Variants in TRAF2 observed in about 807,000 individuals in gnomAD.
TRAF2 encodes TNF receptor associated factor 2.
Under a neutral mutation model 55.6 loss-of-function variants are expected in TRAF2, and 6 were observed. The observed-to-expected ratio is 0.11, with a 90% confidence interval of 0.06 to 0.21. The LOEUF (loss-of-function observed/expected upper bound fraction) is 0.21, where lower values mean the gene tolerates loss of function less well. Among genes scored for constraint, TRAF2 ranks in the 10% least tolerant of loss-of-function variants. TRAF2 has a pLI of 1.00. For synonymous variants in TRAF2, 329 were observed against 276.3 expected, an observed-to-expected ratio of 1.19 and a Z score of -1.89; for missense variants, 561 against 684.5, an observed-to-expected ratio of 0.82 and a Z score of 2.01.
chr9:136,922,682 T>TG (rs1453791737), intron 9 of TRAF2, among the ~76,000 whole-genome samples: 1 of 70,348 alleles, frequency 1.4e-5, no homozygotes, highest in Non-Finnish European at 2.6e-5. Context: ...TGGGGGCGTG[T>TG]GGAGGACAGG....
At chr9:136,889,436 A>G (rs1445078832) in intron 1 of TRAF2, 2 of 151,890 alleles carry the variant, frequency 1.3e-5, no homozygotes, top group African/African-American at 4.8e-5. Flanking sequence ...GGCACCCACC[A>G]TAATGCCCGG....
rs766397484 is a variant in TRAF2, at chr9:136,898,759, A to C, written c.19A>C (p.Thr7Pro). The change falls in exon 2 of 11, where the codon ACC (threonine) becomes CCC (proline). Residue 7 changes from threonine (T) to proline (P), a missense_variant. By Grantham distance (38) the Thr-to-Pro change is conservative. Transcript: ENST00000247668. ...AGCTCTCATGGCTGCAGCTAGCGTGACCCCCCCTGGCTCCCTGGAGTTGCT... is the reference window on the plus strand; with the variant it reads ...AGCTCTCATGGCTGCAGCTAGCGTGCCCCCCCCTGGCTCCCTGGAGTTGCT... MAAASV[T>P]PPGSLELLQP... The C allele has an allele frequency of 6.2e-7, 1 of 1,612,058 alleles. No individual in the cohort carries two copies. Among genetic ancestry groups the C allele is most frequent in the Non-Finnish European group, 8.5e-7 (1 of 1,179,726 alleles).
At chr9:136,909,047 AAAAAG>A (rs1461825922) in intron 5 of TRAF2, among the ~76,000 whole-genome samples, 3 of 151,934 alleles carry the variant, frequency 2.0e-5, no homozygotes, top group African/African-American at 7.3e-5. Context: ...CAAAAAAAAA[AAAAAG>A]AAAAAAAATT....
intron 6 of TRAF2, among the ~76,000 whole-genome samples, chr9:136,916,307 C>T (rs986891939): frequency 2.0e-5 from 3 of 152,046 alleles, no homozygotes; most frequent in Admixed American, 6.6e-5. Context: ...ACAGGTGTCC[C>T]GAAATGCTTG....
intron 7 of TRAF2, among the ~76,000 whole-genome samples, chr9:136,918,274 A>G (rs1265242243): frequency 8.4e-6 from 1 of 119,370 alleles, no homozygotes; most frequent in African/African-American, 3.4e-5. Flanking sequence ...TAATTAATTA[A>G]TTTATTTATT....
rs761735737 is a variant in TRAF2, at chr9:136,926,141, C to T, written c.*240C>T. On this transcript the variant is annotated 3_prime_UTR_variant, in exon 11 of 11. Transcript: ENST00000247668. ...CGGTCTTAGCCAAGGGCTGTGGTGG[C>T]ATTGGCCGAGGGTCTTCGGGTGCTT... The T allele has an allele frequency of 3.3e-5, 23 of 706,986 alleles. No individual in the cohort carries two copies. In the African/African-American group the frequency reaches 3.6e-4, roughly 11 times the overall value. The allele number at this position is 706,986 out of a possible 1,614,324, so 43.8% of individuals were successfully genotyped here. A position where few individuals can be genotyped will look rare whatever the true frequency, so the allele number is the denominator to read the frequency against.
At chr9:136,885,177 G>A (rs17243613), upstream of TRAF2, among the ~76,000 whole-genome samples, 366 of 152,340 alleles carry the variant, frequency 2.4e-3, 2 homozygotes, top group African/African-American at 8.5e-3. Flanking sequence ...ATTGGCGCCT[G>A]GGGACAGCGT....
chr9:136,919,295 C>CTTT (rs34390498), intron 7 of TRAF2, among the ~76,000 whole-genome samples: 7,648 of 90,108 alleles, frequency 0.085, 860 homozygotes, highest in South Asian at 0.13. Context: ...TTGTGGGTGG[C>CTTT]TTTTTTTTTT....
chr9:136,894,901 C>T (rs996965724), intron 1 of TRAF2, among the ~76,000 whole-genome samples: 2 of 152,166 alleles, frequency 1.3e-5, no homozygotes, highest in African/African-American at 2.4e-5. Flanking sequence ...TCGCTTGAGC[C>T]CAGGACTTCC....
At chr9:136,899,175 T>G (rs1003683275) in intron 2 of TRAF2, among the ~76,000 whole-genome samples, 1 of 152,236 alleles carries the variant, frequency 6.6e-6, no homozygotes, top group African/African-American at 2.4e-5. Flanking sequence ...TAATTTTATC[T>G]TTTTATTATT....
Position 136,919,359 on chromosome 9 carries a change from C to T in TRAF2, c.679-875C>T, listed in dbSNP as rs528680714. ...TGTTGCCCAGACTAGAGTACAGTGG[C>T]GCGATCTCGGCTCACCACAACCTCC... On this transcript the variant is annotated intron_variant, in intron 7 of 10. Transcript: ENST00000247668. Among the ~76,000 whole-genome samples the T allele has an allele frequency of 7.6e-4, 99 of 129,570 alleles. 1 individual carries two copies. Among genetic ancestry groups the T allele is most frequent in the Admixed American group, 2.3e-3 (25 of 10,906 alleles). The allele number at this position is 129,570 out of a possible 152,430, so 85.0% of individuals were successfully genotyped here.
chr9:136,891,311 T>C (rs545014227), intron 1 of TRAF2, among the ~76,000 whole-genome samples: 3 of 151,762 alleles, frequency 2.0e-5, no homozygotes, highest in South Asian at 2.1e-4. Context: ...GGTCTCACCA[T>C]GTTGGCCAGC....
chr9:136,897,662 C>T (rs1447905229), intron 1 of TRAF2, among the ~76,000 whole-genome samples: 1 of 119,272 alleles, frequency 8.4e-6, no homozygotes, highest in African/African-American at 3.3e-5. Context: ...TTCCCGCTCT[C>T]GGGGCTGGAG....
At chr9:136,911,763 C>T (rs1588436549) in intron 6 of TRAF2, among the ~76,000 whole-genome samples, 1 of 152,008 alleles carries the variant, frequency 6.6e-6, no homozygotes, top group African/African-American at 2.4e-5. Context: ...GTCTGTGCCC[C>T]CTGGCCCGTT....
At chr9:136,912,468 C>CT (rs1380454257) in intron 6 of TRAF2, among the ~76,000 whole-genome samples, 1 of 152,106 alleles carries the variant, frequency 6.6e-6, no homozygotes, top group Non-Finnish European at 1.5e-5. Flanking sequence ...CCTCTCTTAT[C>CT]TTTTTTTAGT....
rs1292659465 is a variant in TRAF2 at position 136,911,818 on chromosome 9, G to T, written c.603+1824G>T. On this transcript the variant is annotated intron_variant, in intron 6 of 10. Coordinates refer to ENST00000247668, the MANE Select transcript of TRAF2 (RefSeq NM_021138.4). The stretch of plus-strand genomic sequence containing the variant: ...GTGCTCTCAGGTGTTTCTAATGTGT[G>T]TGGCGTGCTTGGGATTTTCTCTTAT... Among the ~76,000 whole-genome samples, 3 of 147,936 alleles carry T rather than the reference G, an allele frequency of 2.0e-5. No homozygotes were observed. The East Asian group carries it at 5.9e-4, about 29-fold the overall frequency.
intron 4 of TRAF2, among the ~76,000 whole-genome samples, chr9:136,907,617 C>T (rs1849985425): frequency 6.6e-6 from 1 of 152,226 alleles, no homozygotes. Flanking sequence ...TTCACACCTC[C>T]CACCTGCAAT....
Position 136,908,930 on chromosome 9 carries a change from C to G in TRAF2, c.528+699C>G, listed in dbSNP as rs182271721. On this transcript the variant is annotated intron_variant, in intron 5 of 10. Transcript: ENST00000247668. ...GCGAGTGCCTGTAATTCCAGCTACT[C>G]GGGAGGCTGAGGCAGGAGAATTGCT... Among the ~76,000 whole-genome samples the G allele has an allele frequency of 1.5e-3, 219 of 146,354 alleles. 2 individuals carry two copies. The highest frequency in any genetic ancestry group is 5.3e-3 in the African/African-American group (208 of 39,486).
At chr9:136,886,587 G>C (rs1849454088) in intron 1 of TRAF2, 46 bp downstream of exon 1, 1 of 983,116 alleles carries the variant, frequency 1.0e-6, no homozygotes, top group Non-Finnish European at 1.2e-6. Flanking sequence ...GCGGGCGCGG[G>C]GTCGGGTGCG....
Sources: allele counts gnomAD v4.1 joint callset (sites outside exome capture counted in the v4.1 genomes callset), GRCh38; gene constraint gnomAD v4.1.1; transcripts MANE v1.5; gene names NCBI Gene and HGNC (gene_info 2026-07-23, HGNC 2026-07-21).